PAPPA2: variants seen among roughly 807,000 people sequenced by gnomAD.
The protein encoded by PAPPA2 is pappalysin 2.
PAPPA2 carries 86 observed loss-of-function variants against 176.4 expected under a neutral mutation model. That is an observed-to-expected ratio of 0.49 (90% CI 0.41 to 0.58). The LOEUF (loss-of-function observed/expected upper bound fraction) is 0.58. Ranked by LOEUF, PAPPA2 falls within the 20% of genes least tolerant of loss-of-function variation. The pLI is 0.00. For synonymous variants in PAPPA2, 809 were observed against 852.2 expected (o/e 0.95, Z 0.88); for missense variants, 2,073 against 2,256.9 (o/e 0.92, Z 1.65).
chr1:176,733,601 T>A (rs1662263693), intron 12 of PAPPA2, among the ~76,000 whole-genome samples: 1 of 152,200 alleles, frequency 6.6e-6, no homozygotes, highest in African/African-American at 2.4e-5. Flanking sequence ...AATGTTTTTT[T>A]ATCCACGATA....
chr1:176,611,251 T>A (rs1654907690), intron 3 of PAPPA2, among the ~76,000 whole-genome samples: 1 of 152,194 alleles, frequency 6.6e-6, no homozygotes, highest in South Asian at 2.1e-4. Flanking sequence ...GGGCATAATG[T>A]CACAGAGAAT....
At chr1:176,567,927 A>G (rs1652083653) in intron 2 of PAPPA2, among the ~76,000 whole-genome samples, 1 of 152,240 alleles carries the variant, frequency 6.6e-6, no homozygotes, top group Non-Finnish European at 1.5e-5. Flanking sequence ...GGCCTAAAGT[A>G]GGTGCATTGG....
chr1:176,768,245 G>A (rs1444482435), intron 15 of PAPPA2, among the ~76,000 whole-genome samples: 2 of 150,806 alleles, frequency 1.3e-5, no homozygotes, highest in East Asian at 3.9e-4. Context: ...ACCTCCCCCT[G>A]TACTGCTGGG....
At chr1:176,715,499 A>G (rs115677990) in intron 12 of PAPPA2, among the ~76,000 whole-genome samples, 3,605 of 152,276 alleles carry the variant, frequency 0.024, 123 homozygotes, top group African/African-American at 0.073. Context: ...CTGTGCCCCA[A>G]CTGGGCTCGT....
chr1:176,512,538 C>T (rs1214874004), intron 1 of PAPPA2, among the ~76,000 whole-genome samples: 11 of 152,076 alleles, frequency 7.2e-5, no homozygotes. Context: ...ATAAGAATTT[C>T]AAGAACAGAT....
intron 1 of PAPPA2, among the ~76,000 whole-genome samples, chr1:176,472,325 G>C (rs1572942903): frequency 6.6e-6 from 1 of 152,106 alleles, no homozygotes; most frequent in Non-Finnish European, 1.5e-5. Context: ...TATTTGGTGG[G>C]TTTCAAGCCA....
At chr1:176,667,193 C>T (rs1658709423) in intron 3 of PAPPA2, among the ~76,000 whole-genome samples, 1 of 151,288 alleles carries the variant, frequency 6.6e-6, no homozygotes, top group Non-Finnish European at 1.5e-5. Flanking sequence ...TTGTGTTGAG[C>T]TGAGATCACG....
chr1:176,634,331 A>G (rs1296505979), intron 3 of PAPPA2, among the ~76,000 whole-genome samples: 5 of 143,280 alleles, frequency 3.5e-5, no homozygotes, highest in South Asian at 4.7e-4. Context: ...TCAGCGAACT[A>G]TGGCAAGGAC....
intron 12 of PAPPA2, among the ~76,000 whole-genome samples, chr1:176,727,130 A>T (rs1236482576): frequency 6.6e-6 from 1 of 152,206 alleles, no homozygotes; most frequent in East Asian, 1.9e-4. Flanking sequence ...AAATAAATGG[A>T]TTCAAAGAAG....
intron 1 of PAPPA2, among the ~76,000 whole-genome samples, chr1:176,486,251 G>A (rs1652640315): frequency 6.6e-6 from 1 of 152,182 alleles, no homozygotes; most frequent in South Asian, 2.1e-4. Flanking sequence ...AAAGTAGCAT[G>A]TTTTGGAGTG....
At chr1:176,551,284 G>A (rs530037859) in intron 1 of PAPPA2, among the ~76,000 whole-genome samples, 1 of 152,292 alleles carries the variant, frequency 6.6e-6, no homozygotes, top group South Asian at 2.1e-4. Context: ...ACATATTGCT[G>A]AAATGTTTGT....
intron 1 of PAPPA2, among the ~76,000 whole-genome samples, chr1:176,467,234 A>G (rs549038250): frequency 9.5e-4 from 145 of 152,322 alleles, no homozygotes; most frequent in African/African-American, 3.4e-3. Context: ...AATAGTAAAA[A>G]TATAATATTA....
chr1:176,512,696 C>CAT (rs1434157953), intron 1 of PAPPA2, among the ~76,000 whole-genome samples: 1 of 152,002 alleles, frequency 6.6e-6, no homozygotes, highest in Non-Finnish European at 1.5e-5. Context: ...CTGATGTGTG[C>CAT]ATATATATAT....
intron 3 of PAPPA2, among the ~76,000 whole-genome samples, chr1:176,666,565 G>A (rs1452243508): frequency 0.024 from 773 of 31,598 alleles, 6 homozygotes; most frequent in African/African-American, 0.15. Context: ...ATATATATGT[G>A]TGTGTGTGTG....
At chr1:176,824,956 G>A (rs1240102792) in intron 21 of PAPPA2, among the ~76,000 whole-genome samples, 1 of 152,194 alleles carries the variant, frequency 6.6e-6, no homozygotes. Context: ...TGGAGTGCCT[G>A]CAGGCTGCCC....
At chr1:176,586,808 A>G (rs1158936242) in intron 2 of PAPPA2, among the ~76,000 whole-genome samples, 2 of 152,222 alleles carry the variant, frequency 1.3e-5, no homozygotes, top group Non-Finnish European at 2.9e-5. Flanking sequence ...GTCTATATCC[A>G]GTAATGTGAT....
intron 17 of PAPPA2, among the ~76,000 whole-genome samples, chr1:176,789,164 T>C (rs1276894583): frequency 6.6e-6 from 1 of 152,128 alleles, no homozygotes; most frequent in African/African-American, 2.4e-5. Context: ...TGTCCAACAA[T>C]GATAGACTGG....
At chr1:176,668,978 T>A (rs1016974534) in intron 3 of PAPPA2, among the ~76,000 whole-genome samples, 1 of 152,026 alleles carries the variant, frequency 6.6e-6, no homozygotes, top group Non-Finnish European at 1.5e-5. Flanking sequence ...AGGAGGCCCC[T>A]CGGAGGGTGC....
chr1:176,743,002 T>G (rs542318001), intron 14 of PAPPA2, among the ~76,000 whole-genome samples: 5 of 152,292 alleles, frequency 3.3e-5, no homozygotes, highest in African/African-American at 1.2e-4. Context: ...TGAAAGCCAG[T>G]AAACCTAAGT....
Sources: gnomAD v4.1 joint callset for allele counts (sites outside exome capture counted in the v4.1 genomes callset) on GRCh38, gnomAD v4.1.1 for gene constraint, MANE v1.5 for transcripts, NCBI Gene and HGNC (gene_info 2026-07-23, HGNC 2026-07-21) for gene names.